The following CALN1 variants were observed in gnomAD, a reference collection of about 807,000 sequenced individuals.
CALN1 encodes calneuron 1.
In CALN1, 17 loss-of-function variants were observed where a neutral mutation model predicts 30.6. The observed-to-expected ratio is 0.56, with a 90% CI of 0.38 to 0.83. The LOEUF is 0.83. CALN1 is among the 40% of genes least tolerant of loss of function. The pLI is 0.00. For missense variants in CALN1, 291 were observed against 354.9 expected (o/e 0.82, Z 1.45); for synonymous variants, 156 against 131.4 (o/e 1.19, Z -1.28).
At position 72,106,334 on chromosome 7, in the gene CALN1, C is replaced by T. The variant is rs201000841; in HGVS notation, c.245-40G>A. The T allele has an allele frequency of 1.1e-5, 17 of 1,611,732 alleles. No homozygotes were observed. In the East Asian group the frequency reaches 2.9e-4, roughly 28 times the overall value. The stretch of plus-strand genomic sequence containing the variant: ...CAAAGAAAGTCCAGTGGTCACATGG[C>T]TGGCTTTATTGCACTGCAGTTATTG... On this transcript the variant is annotated intron_variant, in intron 3 of 6. Coordinates refer to ENST00000395275, the MANE Select transcript of CALN1 (RefSeq NM_031468.4).
intron 3 of CALN1, among the ~76,000 whole-genome samples, chr7:72,225,300 G>A (rs371309855): frequency 3.3e-5 from 5 of 151,972 alleles, no homozygotes; most frequent in African/African-American, 1.2e-4. Flanking sequence ...CACCTTAGCA[G>A]GGTGTCCTCC....
the CALN1 span, among the ~76,000 whole-genome samples, chr7:72,472,244 G>A: frequency 2.0e-4 from 31 of 152,158 alleles, no homozygotes; most frequent in African/African-American, 7.0e-4. Flanking sequence ...CAGCATCTCC[G>A]TTCCTGAGCC....
chr7:72,127,324 C>G (rs1398135430), intron 3 of CALN1, among the ~76,000 whole-genome samples: 4 of 151,930 alleles, frequency 2.6e-5, no homozygotes, highest in African/African-American at 7.2e-5. Flanking sequence ...TGGAGTGAGT[C>G]AGGCAGGGAG....
intron 3 of CALN1, among the ~76,000 whole-genome samples, chr7:72,119,404 T>C (rs1416412552): frequency 6.6e-6 from 1 of 152,042 alleles, no homozygotes; most frequent in Non-Finnish European, 1.5e-5. Flanking sequence ...CCTGACCCCA[T>C]ATGATTCATT....
intron 5 of CALN1, among the ~76,000 whole-genome samples, chr7:71,953,446 G>A (rs1796798107): frequency 6.6e-6 from 1 of 152,112 alleles, no homozygotes; most frequent in South Asian, 2.1e-4. Flanking sequence ...TCGAATTGCT[G>A]TCTCATTGGC....
chr7:72,374,076 GA>G (rs1804402835), intron 2 of CALN1, among the ~76,000 whole-genome samples: 1 of 152,206 alleles, frequency 6.6e-6, no homozygotes, highest in South Asian at 2.1e-4. Flanking sequence ...GAAACAAAGA[GA>G]ATTTCTTGCC....
intron 1 of CALN1, among the ~76,000 whole-genome samples, chr7:72,411,141 A>G (rs1807110382): frequency 1.3e-5 from 2 of 152,206 alleles, no homozygotes; most frequent in South Asian, 2.1e-4. Flanking sequence ...GCAAACATAA[A>G]GGTTTTACAG....
intron 6 of CALN1, among the ~76,000 whole-genome samples, chr7:71,805,196 T>C (rs576383247): frequency 1.3e-5 from 2 of 152,308 alleles, no homozygotes; most frequent in East Asian, 1.9e-4. Context: ...TCTTAGTTTC[T>C]GGTGAAGAGG....
chr7:72,152,608 C>G (rs1297931234), intron 3 of CALN1, among the ~76,000 whole-genome samples: 1 of 152,156 alleles, frequency 6.6e-6, no homozygotes, highest in Non-Finnish European at 1.5e-5. Flanking sequence ...TGGTTATGGT[C>G]CTAGAAGCAG....
chr7:72,264,956 CG>C (rs1255993310), intron 3 of CALN1, among the ~76,000 whole-genome samples: 2 of 152,082 alleles, frequency 1.3e-5, no homozygotes, highest in African/African-American at 4.8e-5. Flanking sequence ...CCTGTTCTTG[CG>C]TTAGTTTGCT....
intron 5 of CALN1, among the ~76,000 whole-genome samples, chr7:71,822,650 G>T (rs946364460): frequency 3.3e-5 from 5 of 152,180 alleles, no homozygotes; most frequent in African/African-American, 1.2e-4. Flanking sequence ...TGTAATGCAT[G>T]ACTTAAGCCA....
At chr7:72,080,781 C>T (rs576014661) in intron 4 of CALN1, among the ~76,000 whole-genome samples, 1 of 152,124 alleles carries the variant, frequency 6.6e-6, no homozygotes, top group African/African-American at 2.4e-5. Flanking sequence ...ATGGGAAAGA[C>T]GCCTGCTAAG....
chr7:72,061,052 T>C (rs1396850003), intron 4 of CALN1, among the ~76,000 whole-genome samples: 1 of 152,170 alleles, frequency 6.6e-6, no homozygotes, highest in Non-Finnish European at 1.5e-5. Context: ...CAGATCTGAA[T>C]AGTGTTGCAA....
chr7:72,454,396 G>C, the CALN1 span, among the ~76,000 whole-genome samples: 3 of 152,120 alleles, frequency 2.0e-5, no homozygotes, highest in South Asian at 2.1e-4. Flanking sequence ...GCTGAAAGAG[G>C]CCAGCTTCAA....
At chr7:72,281,592 C>T (rs575766949) in intron 2 of CALN1, among the ~76,000 whole-genome samples, 4 of 152,264 alleles carry the variant, frequency 2.6e-5, no homozygotes, top group East Asian at 3.9e-4. Flanking sequence ...CCTTAACCAA[C>T]GTTTAAGTCT....
intron 1 of CALN1, among the ~76,000 whole-genome samples, chr7:72,403,972 G>A (rs1806528258): frequency 6.6e-6 from 1 of 152,100 alleles, no homozygotes; most frequent in South Asian, 2.1e-4. Flanking sequence ...AAAGCATACA[G>A]CATCCAAGAT....
At chr7:71,855,098 C>T (rs1438832948) in intron 5 of CALN1, among the ~76,000 whole-genome samples, 1 of 152,108 alleles carries the variant, frequency 6.6e-6, no homozygotes, top group Non-Finnish European at 1.5e-5. Context: ...ACTCAAACTT[C>T]GAGCTAATAA....
intron 3 of CALN1, among the ~76,000 whole-genome samples, chr7:72,166,444 C>T (rs1017873074): frequency 6.6e-6 from 1 of 152,152 alleles, no homozygotes; most frequent in African/African-American, 2.4e-5. Context: ...TCCACCTCAG[C>T]CCCCTCAAAG....
intron 3 of CALN1, among the ~76,000 whole-genome samples, chr7:72,172,763 A>C (rs1162208212): frequency 6.6e-6 from 1 of 152,226 alleles, no homozygotes; most frequent in Non-Finnish European, 1.5e-5. Flanking sequence ...ATAATCTCTC[A>C]GCAAATTAGA....
Sources: allele counts gnomAD v4.1 joint callset (sites outside exome capture counted in the v4.1 genomes callset), GRCh38; gene constraint gnomAD v4.1.1; transcripts MANE v1.5; gene names NCBI Gene and HGNC (gene_info 2026-07-23, HGNC 2026-07-21).